ADAMTS17: variants seen among roughly 807,000 people sequenced by gnomAD.
ADAMTS17 encodes the protein ADAM metallopeptidase with thrombospondin type 1 motif 17, also known as A disintegrin and metalloproteinase with thrombospondin motifs 17.
ADAMTS17 carries 113 observed loss-of-function variants against 141.5 expected under a neutral mutation model. That is an observed-to-expected ratio of 0.80 (90% CI 0.69 to 0.93). The LOEUF is 0.93. Among genes scored for constraint, ADAMTS17 ranks in the 40% least tolerant of loss-of-function variants. ADAMTS17 has a pLI of 0.00. For synonymous variants in ADAMTS17, 768 were observed against 630.6 expected (o/e 1.22, Z -3.27); for missense variants, 1,659 against 1,517.9 (o/e 1.09, Z -1.54).
intron 8 of ADAMTS17, among the ~76,000 whole-genome samples, chr15:100,170,553 C>T (rs577415109): frequency 3.9e-5 from 6 of 152,200 alleles, no homozygotes; most frequent in African/African-American, 1.4e-4. Flanking sequence ...AGTCCCTTCG[C>T]GGATTTCAAG....
intron 3 of ADAMTS17, among the ~76,000 whole-genome samples, chr15:100,303,430 G>A (rs752859604): frequency 6.6e-6 from 1 of 151,186 alleles, no homozygotes; most frequent in Non-Finnish European, 1.5e-5. Context: ...TTTTTTGATG[G>A]TATCCTTTAA....
chr15:100,078,420 C>T (rs1469665912), intron 15 of ADAMTS17, among the ~76,000 whole-genome samples: 2 of 146,408 alleles, frequency 1.4e-5, no homozygotes, highest in Non-Finnish European at 2.9e-5. Context: ...ATATAGAGTC[C>T]AGAAAACAAT....
chr15:100,133,153 G>A, intron 11 of ADAMTS17, 61 bp downstream of exon 11: 1 of 1,442,372 alleles, frequency 6.9e-7, no homozygotes, highest in South Asian at 1.2e-5. Context: ...GTCAGAAGAG[G>A]TGCCAGTTGC....
At chr15:100,268,428 G>A (rs1027816992) in intron 4 of ADAMTS17, among the ~76,000 whole-genome samples, 3 of 152,148 alleles carry the variant, frequency 2.0e-5, no homozygotes, top group African/African-American at 7.2e-5. Context: ...CAGCGTATGA[G>A]CATTTTTCTC....
At chr15:100,096,567 G>A in intron 14 of ADAMTS17, 91 bp from the exon 15 acceptor site, 1 of 1,563,276 alleles carries the variant, frequency 6.4e-7, no homozygotes, top group African/African-American at 1.3e-5. Context: ...TCCATGAGGT[G>A]CAGCATACAT....
At chr15:100,058,879 G>A (rs1391641718) in intron 15 of ADAMTS17, among the ~76,000 whole-genome samples, 2 of 151,624 alleles carry the variant, frequency 1.3e-5, no homozygotes, top group Non-Finnish European at 2.9e-5. Flanking sequence ...GCGGCTGACG[G>A]ACAAACCCAG....
At position 100,018,804 on chromosome 15, in the gene ADAMTS17, C is replaced by T. The variant is rs776111884; in HGVS notation, c.2592-21215G>A. 1.4e-4 allele frequency among the ~76,000 whole-genome samples: 21 copies of T among 152,286 alleles called. No individual in the cohort carries two copies. The Middle Eastern group carries it at 0.01, about 74-fold the overall frequency. ...GGGGAATTTAAAAACCAAATGAGGA[C>T]GTGCCCTTTCACATCTATCAGACTG... is the stretch of plus-strand genomic sequence containing the variant. On this transcript the variant is annotated intron_variant, in intron 18 of 21. Coordinates refer to ENST00000268070, the MANE Select transcript of ADAMTS17 (RefSeq NM_139057.4).
intron 7 of ADAMTS17, among the ~76,000 whole-genome samples, chr15:100,224,874 A>C (rs1475125201): frequency 5.9e-5 from 9 of 152,386 alleles, no homozygotes; most frequent in Admixed American, 2.0e-4. Flanking sequence ...GGGTAGAAGC[A>C]GCAAAGGAAG....
intron 10 of ADAMTS17, among the ~76,000 whole-genome samples, chr15:100,150,204 G>A (rs1039287564): frequency 6.6e-6 from 1 of 152,174 alleles, no homozygotes; most frequent in Non-Finnish European, 1.5e-5. Context: ...GAGCTTCTAG[G>A]GAGAAAGGAG....
intron 12 of ADAMTS17, among the ~76,000 whole-genome samples, chr15:100,119,752 G>T (rs2037357394): frequency 6.6e-6 from 1 of 152,210 alleles, no homozygotes; most frequent in African/African-American, 2.4e-5. Flanking sequence ...TTCTGCTGCT[G>T]CTTCTCCCTG....
intron 15 of ADAMTS17, among the ~76,000 whole-genome samples, chr15:100,065,440 C>A (rs551185163): frequency 6.6e-6 from 1 of 152,274 alleles, no homozygotes; most frequent in African/African-American, 2.4e-5. Flanking sequence ...ATAATAATTT[C>A]TATATTTTGG....
intron 12 of ADAMTS17, among the ~76,000 whole-genome samples, chr15:100,130,938 T>C (rs111988453): frequency 1.3e-5 from 2 of 152,112 alleles, no homozygotes; most frequent in Non-Finnish European, 2.9e-5. Context: ...GTGGCACTAT[T>C]CACAATAGCA....
intron 11 of ADAMTS17, 40 bp from the exon 12 acceptor site, chr15:100,132,192 C>A: frequency 6.2e-7 from 1 of 1,602,460 alleles, no homozygotes; most frequent in Non-Finnish European, 8.5e-7. Flanking sequence ...AGGCACTCAG[C>A]AGAGCTGCTC....
rs190721406 is a variant in ADAMTS17, at chr15:100,194,817, G to T, written c.1181+4501C>A. Among the ~76,000 whole-genome samples, 10 of 152,194 alleles carry T rather than the reference G, an allele frequency of 6.6e-5. No individual in the cohort carries two copies. In the East Asian group the frequency reaches 1.7e-3, roughly 26 times the overall value. ...TCCCAGCTGGGCAGTTTCTCTCAAG[G>T]AACTGCCCCCCATTCCATGGTTCCT... On this transcript the variant is annotated intron_variant, in intron 8 of 21. Transcript: ENST00000268070.
At position 100,261,580 on chromosome 15, in the gene ADAMTS17, C is replaced by T. The variant is rs772514314; in HGVS notation, c.930G>A (p.Trp310Ter). The change falls in exon 6 of 22, where the codon TGG (tryptophan) becomes TGA (stop). Residue 310 changes from tryptophan to a stop codon, truncating the protein, a stop_gained. Coordinates refer to ENST00000268070, the MANE Select transcript of ADAMTS17 (RefSeq NM_139057.4). LOFTEE classifies it high-confidence loss of function. ...GERSLESFCHWQNEEYGGARY... is the reference protein window; with the variant it reads ...GERSLESFCH ...GCGCTCCTCCATACTCCTCGTTCTGCCAGTGACAGAAGCTCTCCAGGGACC... is the reference window on the plus strand; with the variant it reads ...GCGCTCCTCCATACTCCTCGTTCTGTCAGTGACAGAAGCTCTCCAGGGACC... 2 of 1,614,102 alleles carry T rather than the reference C, an allele frequency of 1.2e-6. No individual in the cohort carries two copies. Among genetic ancestry groups the T allele is most frequent in the Admixed American group, 3.3e-5 (2 of 60,022 alleles).
chr15:100,281,387 T>C lies in ADAMTS17; in HGVS notation c.631A>G (p.Thr211Ala). Residue 211 changes from threonine to alanine, a missense_variant, in exon 4 of 22, where the codon ACG becomes GCG. Transcript: ENST00000268070. ...CAGTCCCGCGAAGGCCTGCCCCACG[T>C]CGGCTTCTTCTTTTCTAGAAAATGA... is the stretch of plus-strand genomic sequence containing the variant. ...CKVLTEKKKP[T>A]WGRPSRDWRE... is the part of the protein sequence containing the mutation. 1.2e-6 allele frequency: 2 copies of C among 1,612,602 alleles called. No homozygotes were observed. Among genetic ancestry groups the C allele is most frequent in the East Asian group, 4.5e-5 (2 of 44,878 alleles).
intron 7 of ADAMTS17, among the ~76,000 whole-genome samples, chr15:100,246,806 A>C (rs915520245): frequency 6.6e-6 from 1 of 152,128 alleles, no homozygotes; most frequent in South Asian, 2.1e-4. Context: ...TTATTTTTTC[A>C]TAAGTTTATT....
intron 8 of ADAMTS17, among the ~76,000 whole-genome samples, chr15:100,174,071 AGAGCTCTTG>A (rs1213086250): frequency 6.6e-6 from 1 of 152,216 alleles, no homozygotes; most frequent in African/African-American, 2.4e-5. Context: ...ACAATGTGAC[AGAGCTCTTG>A]GTCCCATTTA....
chr15:100,149,457 G>A (rs2141336502), intron 10 of ADAMTS17, among the ~76,000 whole-genome samples: 1 of 152,228 alleles, frequency 6.6e-6, no homozygotes, highest in South Asian at 2.1e-4. Flanking sequence ...GTTCACATCT[G>A]TTCCCCTGGT....
Sources: gnomAD v4.1 joint callset for allele counts (sites outside exome capture counted in the v4.1 genomes callset) on GRCh38, gnomAD v4.1.1 for gene constraint, MANE v1.5 for transcripts, NCBI Gene and HGNC (gene_info 2026-07-23, HGNC 2026-07-21) for gene names.